The following LINC00237 variants were observed in gnomAD, a reference collection of about 807,000 sequenced individuals.
LINC00237 encodes long independently transcribed non-coding RNA 237, also known as long intergenic non-protein coding RNA 237.
chr20:21,088,864 A>T (rs1393865009), intron 2 of LINC00237, among the ~76,000 whole-genome samples: 1 of 152,174 alleles, frequency 6.6e-6, no homozygotes, highest in African/African-American at 2.4e-5. Flanking sequence ...CAAAAAAAAA[A>T]TCAACATGTT....
exon 2 of LINC00237, chr20:21,093,507 C>T (rs903657172): frequency 6.6e-6 from 1 of 152,300 alleles, no homozygotes; most frequent in African/African-American, 2.4e-5. Context: ...CACAGCATTA[C>T]TCTGCCACTG....
At chr20:21,100,407 C>G (rs111779294) in intron 1 of LINC00237, among the ~76,000 whole-genome samples, 243 of 152,342 alleles carry the variant, frequency 1.6e-3, no homozygotes, top group Non-Finnish European at 2.3e-3. Flanking sequence ...GGGGTTTCAC[C>G]GAAGCCGGCG....
intron 2 of LINC00237, among the ~76,000 whole-genome samples, chr20:21,089,095 T>A (rs2030754439): frequency 6.6e-6 from 1 of 151,732 alleles, no homozygotes; most frequent in Admixed American, 6.6e-5. Context: ...TGCCCGTGTA[T>A]GTGTGTGCAT....
intron 2 of LINC00237, chr20:21,092,868 G>A (rs2030810871): frequency 6.6e-6 from 1 of 152,164 alleles, no homozygotes; most frequent in Non-Finnish European, 1.5e-5. Flanking sequence ...TAGAAAGTTA[G>A]CATACATTAA....
chr20:21,096,598 C>G (rs1263749619), intron 1 of LINC00237, among the ~76,000 whole-genome samples: 1 of 152,214 alleles, frequency 6.6e-6, no homozygotes, highest in Non-Finnish European at 1.5e-5. Flanking sequence ...GTGCCTATAG[C>G]TAGTTAGTGG....
chr20:21,088,795 T>A (rs762148429), intron 2 of LINC00237, among the ~76,000 whole-genome samples: 1 of 152,088 alleles, frequency 6.6e-6, no homozygotes, highest in African/African-American at 2.4e-5. Flanking sequence ...ATAAAATAGA[T>A]CTTTGAGCCA....
intron 1 of LINC00237, among the ~76,000 whole-genome samples, chr20:21,097,461 AT>A (rs113656563): frequency 1.1e-4 from 16 of 152,288 alleles, no homozygotes; most frequent in African/African-American, 3.6e-4. Context: ...TTTTATGTCA[AT>A]TTAAAAAAAA....
chr20:21,098,894 G>A (rs2122179256), intron 1 of LINC00237, among the ~76,000 whole-genome samples: 1 of 152,350 alleles, frequency 6.6e-6, no homozygotes, highest in African/African-American at 2.4e-5. Flanking sequence ...TCTCATTCAA[G>A]ATCAAATGGT....
intron 1 of LINC00237, among the ~76,000 whole-genome samples, chr20:21,096,912 T>C (rs1197755506): frequency 6.6e-6 from 1 of 152,228 alleles, no homozygotes; most frequent in African/African-American, 2.4e-5. Flanking sequence ...TACAGATTTT[T>C]AGATGCACCT....
chr20:21,103,029 G>C (rs1017165984), intron 1 of LINC00237, among the ~76,000 whole-genome samples: 5 of 152,186 alleles, frequency 3.3e-5, no homozygotes, highest in African/African-American at 7.2e-5. Flanking sequence ...CGTCGCGACC[G>C]GCAGGCCTGG....
chr20:21,087,753 T>C (rs1335966672), intron 3 of LINC00237: 1 of 152,210 alleles, frequency 6.6e-6, no homozygotes, highest in East Asian at 1.9e-4. Context: ...AGAACTATAA[T>C]GGGCACTTTA....
chr20:21,096,769 C>T (rs1305099155), intron 1 of LINC00237, among the ~76,000 whole-genome samples: 1 of 152,126 alleles, frequency 6.6e-6, no homozygotes, highest in African/African-American at 2.4e-5. Context: ...CAGAATAAGC[C>T]GTTGGAGGCC....
chr20:21,086,685 A>AC (rs1555861096), intron 3 of LINC00237, among the ~76,000 whole-genome samples: 2 of 94,980 alleles, frequency 2.1e-5, no homozygotes, highest in South Asian at 5.9e-4. Context: ...AGTATACTAC[A>AC]TATACATATG....
At chr20:21,087,032 T>TAC (rs1568883683) in intron 3 of LINC00237, among the ~76,000 whole-genome samples, 1 of 141,566 alleles carries the variant, frequency 7.1e-6, no homozygotes, top group African/African-American at 2.5e-5. Context: ...CTCTATATAG[T>TAC]ATATAGAGTA....
chr20:21,087,565 T>TC (rs1240388069), intron 3 of LINC00237: 4 of 152,176 alleles, frequency 2.6e-5, no homozygotes, highest in Non-Finnish European at 5.9e-5. Flanking sequence ...AAGTGCCATT[T>TC]CCCCATGACC....
intron 1 of LINC00237, among the ~76,000 whole-genome samples, chr20:21,094,752 G>T (rs575708590): frequency 6.6e-6 from 1 of 152,104 alleles, no homozygotes; most frequent in South Asian, 2.1e-4. Flanking sequence ...GATCCTGTCT[G>T]TTAAAAAAAT....
intron 1 of LINC00237, among the ~76,000 whole-genome samples, chr20:21,100,608 G>C (rs1191698046): frequency 6.7e-6 from 1 of 149,990 alleles, no homozygotes; most frequent in Non-Finnish European, 1.5e-5. Context: ...TTTTCTTTTT[G>C]TTCTTTGTAA....
At position 21,101,502 on chromosome 20, in the gene LINC00237, C is replaced by T. The variant is rs1193592984; in HGVS notation, n.88+4769G>A. On this transcript the variant is annotated intron_variant and non_coding_transcript_variant, in intron 1 of 3. Coordinates refer to ENST00000691244, the Ensembl canonical transcript of LINC00237. This position sits in a 1 kb window ranked among gnomAD's most constrained non-coding sequence, Gnocchi z 4.3. The stretch of plus-strand genomic sequence containing the variant: ...ACAGAGGCGCGTGCGGGGGAAAGGC[C>T]CACCCACGCTGTCCCTGGAGTCCCC... 1 of 152,278 alleles carries T rather than the reference C, an allele frequency of 6.6e-6. No individual in the cohort carries two copies. Among genetic ancestry groups the T allele is most frequent in the African/African-American group, 2.4e-5 (1 of 41,456 alleles). The allele number at this position is 152,278 out of a possible 1,614,324, so 9.4% of individuals were successfully genotyped here.
chr20:21,086,498 G>T (rs75427630), intron 3 of LINC00237, among the ~76,000 whole-genome samples: 6,212 of 145,638 alleles, frequency 0.043, 375 homozygotes, highest in African/African-American at 0.14. Flanking sequence ...TATATATATA[G>T]AGAGAGATAC....
Sources: gnomAD v4.1 joint callset for allele counts (sites outside exome capture counted in the v4.1 genomes callset) on GRCh38, gnomAD v4.1.1 for gene constraint, Gnocchi (gnomAD v3.1) non-coding constraint, MANE v1.5 for transcripts, NCBI Gene and HGNC (gene_info 2026-07-23, HGNC 2026-07-21) for gene names.